DOCK1: variants seen among roughly 807,000 people sequenced by gnomAD.
DOCK1 encodes the protein dedicator of cytokinesis 1.
Under a neutral mutation model 262.7 loss-of-function variants are expected in DOCK1, and 138 were observed. The ratio of observed to expected loss-of-function variants is 0.53; its 90% confidence interval spans 0.46 to 0.61. The LOEUF is 0.61. Ranked by LOEUF, DOCK1 falls within the 20% of genes least tolerant of loss-of-function variation. DOCK1 has a pLI of 0.00. For missense variants in DOCK1, 1,908 were observed against 2,370.7 expected, an observed-to-expected ratio of 0.80 and a Z score of 4.05; for synonymous variants, 866 against 867.4, an observed-to-expected ratio of 1.00 and a Z score of 0.03.
At chr10:127,248,177 T>C in intron 28 of DOCK1, 68 bp downstream of exon 28, 2 of 1,295,906 alleles carry the variant, frequency 1.5e-6, no homozygotes, top group Non-Finnish European at 2.2e-6. Context: ...AAAAGCCTGA[T>C]ATCAATATAT....
chr10:127,320,409 A>G (rs1213765021), intron 29 of DOCK1, among the ~76,000 whole-genome samples: 1 of 152,198 alleles, frequency 6.6e-6, no homozygotes, highest in African/African-American at 2.4e-5. Flanking sequence ...AAGTAGAATG[A>G]GATGCCCAGG....
At chr10:127,142,232 T>C (rs74158624) in intron 27 of DOCK1, among the ~76,000 whole-genome samples, 14,964 of 152,256 alleles carry the variant, frequency 0.098, 2,120 homozygotes, top group African/African-American at 0.31. Context: ...GTGCAGGGGC[T>C]CATTCTACAG....
Position 127,339,014 on chromosome 10 carries a change from T to A in DOCK1, c.3053T>A (p.Leu1018Gln). The A allele has an allele frequency of 6.3e-7, 1 of 1,579,438 alleles. No homozygotes were observed. Among genetic ancestry groups the A allele is most frequent in the East Asian group, 2.3e-5 (1 of 43,502 alleles). Residue 1018 changes from leucine (L) to glutamine (Q), a missense_variant, in exon 30 of 52, where the codon CTG becomes CAG. By Grantham distance (113) the Leu-to-Gln change is moderately radical (BLOSUM62 -2). This residue lies in a region of DOCK1 where 518 missense variants were observed against 575.1 expected (regional missense o/e 0.90). Coordinates refer to ENST00000623213, the MANE Select transcript of DOCK1 (RefSeq NM_001290223.2). ...IMNMVQNKVF[L>Q]RAINQYADML... Reference sequence around the variant, plus strand: ...TTCTCTTGATCTTTCAGAGTCTTCCTGCGAGCAATTAATCAGTATGCAGAT... The same window carrying A: ...TTCTCTTGATCTTTCAGAGTCTTCCAGCGAGCAATTAATCAGTATGCAGAT...
Position 127,023,287 on chromosome 10 carries a change from C to T in DOCK1, c.1415C>T (p.Thr472Met), listed in dbSNP as rs551125851. The T allele has an allele frequency of 1.9e-5, 30 of 1,613,726 alleles. No homozygotes were observed. Among genetic ancestry groups the T allele is most frequent in the African/African-American group, 6.7e-5 (5 of 74,874 alleles). Reference protein sequence around the residue: ...SKTTAKNVEVTVSVYDEDGKR... With the variant: ...SKTTAKNVEVMVSVYDEDGKR... Reference sequence around the variant, plus strand: ...ACAACAGCGAAGAACGTGGAGGTCACGGTGTCTGTGTACGATGAGGATGGG... The same window carrying T: ...ACAACAGCGAAGAACGTGGAGGTCATGGTGTCTGTGTACGATGAGGATGGG... Residue 472 changes from threonine (T) to methionine (M), a missense_variant, in exon 14 of 52, where the codon ACG becomes ATG. By Grantham distance (81) the Thr-to-Met change is moderately conservative. Around this residue, in one of 9 missense-constraint regions of DOCK1, gnomAD observed 294 missense variants for 439.9 expected, o/e 0.67. Transcript: ENST00000623213.
chr10:127,117,375 C>T (rs2049256688), intron 25 of DOCK1, among the ~76,000 whole-genome samples: 1 of 152,190 alleles, frequency 6.6e-6, no homozygotes, highest in Non-Finnish European at 1.5e-5. Context: ...AATCTATCAG[C>T]CCACTCTTTT....
intron 27 of DOCK1, among the ~76,000 whole-genome samples, chr10:127,206,664 A>C (rs951700825): frequency 6.6e-6 from 1 of 152,146 alleles, no homozygotes. Flanking sequence ...GAGCTCAATA[A>C]ATAAAGAACC....
At chr10:127,189,192 G>C (rs780189037) in intron 27 of DOCK1, among the ~76,000 whole-genome samples, 1 of 152,198 alleles carries the variant, frequency 6.6e-6, no homozygotes, top group South Asian at 2.1e-4. Context: ...AAAACTGTAC[G>C]GTTGTCTTAG....
At chr10:126,923,916 C>T (rs2033450022) in intron 1 of DOCK1, among the ~76,000 whole-genome samples, 1 of 152,316 alleles carries the variant, frequency 6.6e-6, no homozygotes, top group Non-Finnish European at 1.5e-5. Context: ...AGGAAACAGG[C>T]CCTTGCCAGA....
intron 29 of DOCK1, among the ~76,000 whole-genome samples, chr10:127,281,523 A>T (rs1321993639): frequency 6.6e-6 from 1 of 152,168 alleles, no homozygotes. Context: ...TTTTCAAGGA[A>T]TCTGTTGTCC....
chr10:127,319,956 T>A (rs1271245514), intron 29 of DOCK1, among the ~76,000 whole-genome samples: 1 of 152,122 alleles, frequency 6.6e-6, no homozygotes, highest in Non-Finnish European at 1.5e-5. Context: ...TCGCATTTCA[T>A]CTTAAAGCAA....
intron 29 of DOCK1, among the ~76,000 whole-genome samples, chr10:127,296,658 T>C (rs1196813071): frequency 6.6e-6 from 1 of 152,224 alleles, no homozygotes; most frequent in Non-Finnish European, 1.5e-5. Flanking sequence ...GCCTCAGGGC[T>C]GAGCTTCTAA....
In DOCK1 at chr10:127,425,936, G is replaced by A. The variant is rs766885296; in HGVS notation, c.4839G>A (p.Pro1613=). ...ACAAAGTCACGGAGGCACTGAGGCC[G>A]TTCCACGAGAGGATGGAGGCCTGTT... The part of the protein sequence containing the change: ...HGDKVTEALR[P]FHERMEACFK... Residue 1613 remains proline, a synonymous_variant, in exon 47 of 52, where the codon CCG becomes CCA. Coordinates refer to ENST00000623213, the MANE Select transcript of DOCK1 (RefSeq NM_001290223.2). The A allele has an allele frequency of 2.5e-5, 41 of 1,614,060 alleles. No homozygotes were observed. Among genetic ancestry groups the A allele is most frequent in the Admixed American group, 1.0e-4 (6 of 60,022 alleles).
At chr10:127,383,939 A>C (rs536840307) in intron 37 of DOCK1, among the ~76,000 whole-genome samples, 1 of 152,068 alleles carries the variant, frequency 6.6e-6, no homozygotes, top group African/African-American at 2.4e-5. Flanking sequence ...TTCCTGTAGA[A>C]GGGTCTTGCT....
chr10:127,440,227 G>A (rs1439485237), intron 49 of DOCK1, among the ~76,000 whole-genome samples: 1 of 151,596 alleles, frequency 6.6e-6, no homozygotes, highest in Non-Finnish European at 1.5e-5. Context: ...GATAGAATGA[G>A]GACCCACTCA....
intron 29 of DOCK1, among the ~76,000 whole-genome samples, chr10:127,293,920 C>A (rs756522298): frequency 5.1e-4 from 77 of 152,252 alleles, no homozygotes; most frequent in Admixed American, 1.3e-3. Flanking sequence ...CTCTCTGCCT[C>A]CAGTATGCCC....
chr10:127,304,275 T>C (rs753057323), intron 29 of DOCK1, among the ~76,000 whole-genome samples: 4 of 152,150 alleles, frequency 2.6e-5, no homozygotes, highest in Admixed American at 2.6e-4. Flanking sequence ...CCAGGAGTGT[T>C]ACCCTAGCCG....
intron 27 of DOCK1, among the ~76,000 whole-genome samples, chr10:127,207,650 A>C (rs1187053488): frequency 2.0e-5 from 3 of 152,202 alleles, no homozygotes; most frequent in Admixed American, 6.5e-5. Flanking sequence ...AGGTGTTAAA[A>C]GTTTTTCCTA....
intron 29 of DOCK1, among the ~76,000 whole-genome samples, chr10:127,285,161 G>A (rs1189594987): frequency 1.3e-5 from 2 of 152,078 alleles, no homozygotes; most frequent in African/African-American, 4.8e-5. Context: ...TCAATATCTG[G>A]CAGCCCTTCT....
chr10:127,329,606 T>C (rs959391302), intron 29 of DOCK1, among the ~76,000 whole-genome samples: 2 of 151,608 alleles, frequency 1.3e-5, no homozygotes, highest in Non-Finnish European at 2.9e-5. Context: ...AGTCTTACAG[T>C]CAGGCTTTGC....
Sources: allele counts gnomAD v4.1 joint callset (sites outside exome capture counted in the v4.1 genomes callset), GRCh38; gene constraint gnomAD v4.1.1; regional missense constraint gnomAD v4.1.1; transcripts MANE v1.5; gene names NCBI Gene and HGNC (gene_info 2026-07-23, HGNC 2026-07-21).